The following SUPT3H variants were observed in gnomAD, a reference collection of about 807,000 sequenced individuals.
SUPT3H encodes SPT3 homolog, SAGA and STAGA complex component.
A neutral mutation model predicts 44.3 loss-of-function variants in SUPT3H; 44 were observed. The observed-to-expected ratio is 0.99, with a 90% confidence interval of 0.78 to 1.28. The LOEUF (loss-of-function observed/expected upper bound fraction) is 1.28, where lower values mean the gene tolerates loss of function less well. Ranked by LOEUF, SUPT3H falls within the 50% of genes most tolerant of loss-of-function variation. The pLI, the probability that SUPT3H is intolerant of heterozygous loss-of-function variation, is 0.00. For synonymous variants in SUPT3H, 124 were observed against 125.6 expected (o/e 0.99, Z 0.09); for missense variants, 380 against 387.1 (o/e 0.98, Z 0.15).
chr6:44,841,271 A>T (rs1238552953), intron 10 of SUPT3H, among the ~76,000 whole-genome samples: 1 of 152,234 alleles, frequency 6.6e-6, no homozygotes, highest in South Asian at 2.1e-4. Context: ...AGCCATTATT[A>T]TATCTCCTGT....
chr6:44,878,781 G>A (rs747718424), intron 10 of SUPT3H, among the ~76,000 whole-genome samples: 18 of 152,076 alleles, frequency 1.2e-4, no homozygotes, highest in Non-Finnish European at 2.2e-4. Flanking sequence ...AGGGCAAGCC[G>A]AAGCAGGGTG....
intron 2 of SUPT3H, among the ~76,000 whole-genome samples, chr6:45,160,372 C>G (rs1257521433): frequency 6.6e-6 from 1 of 152,114 alleles, no homozygotes; most frequent in African/African-American, 2.4e-5. Context: ...AAAATAAATG[C>G]ATGACCAAAT....
intron 2 of SUPT3H, among the ~76,000 whole-genome samples, chr6:45,204,274 GAAGAA>G (rs1762878786): frequency 6.6e-6 from 1 of 151,776 alleles, no homozygotes; most frequent in Non-Finnish European, 1.5e-5. Flanking sequence ...AGAAGAAGAA[GAAGAA>G]GAACCACCTG....
chr6:45,298,820 T>C (rs1056923137), intron 2 of SUPT3H, among the ~76,000 whole-genome samples: 3 of 152,172 alleles, frequency 2.0e-5, no homozygotes, highest in African/African-American at 7.2e-5. Context: ...CCTTTCAAAG[T>C]ATATAACCAA....
chr6:44,809,194 G>A (rs1766350780), downstream of SUPT3H: 1 of 152,232 alleles, frequency 6.6e-6, no homozygotes, highest in East Asian at 1.9e-4. Context: ...TCATGCATAC[G>A]AAGATTGAAG....
chr6:45,060,758 AT>A (rs1791874158), intron 3 of SUPT3H, among the ~76,000 whole-genome samples: 1 of 152,180 alleles, frequency 6.6e-6, no homozygotes, highest in Non-Finnish European at 1.5e-5. Context: ...CAAGAAAAAA[AT>A]ACACAACCCC....
In SUPT3H at chr6:45,032,913, C is replaced by T. The variant is rs1300837072; in HGVS notation, c.187-12281G>A. On this transcript the variant is annotated intron_variant, in intron 3 of 10. Coordinates refer to ENST00000371459, the MANE Select transcript of SUPT3H (RefSeq NM_003599.4). ...AGAATGAGCTAAAACAGTATTTAAG[C>T]AATTCAGTAAAAGCCTCTGAAGACT... is the stretch of plus-strand genomic sequence containing the variant. Among the ~76,000 whole-genome samples the T allele has an allele frequency of 2.6e-5, 4 of 152,098 alleles. No homozygotes were observed. In the South Asian group the frequency reaches 8.3e-4, roughly 31 times the overall value.
intron 10 of SUPT3H, among the ~76,000 whole-genome samples, chr6:44,847,509 A>G (rs1772080499): frequency 6.7e-6 from 1 of 149,350 alleles, no homozygotes; most frequent in Admixed American, 6.6e-5. Flanking sequence ...TTTTTTTGAG[A>G]CAGAGTCTTG....
rs1422981845 is a variant in SUPT3H, at chr6:44,811,994, A to AT, written c.*53-2494_*53-2493insA. 3.4e-4 allele frequency among the ~76,000 whole-genome samples: 52 copies of AT among 152,186 alleles called. No individual in the cohort carries two copies. In the East Asian group the frequency reaches 8.5e-3, roughly 25 times the overall value. ...ACAGTGGTTCTGATTCTGTGACTGA[A>AT]CCCTGACTGATAACTCAAGGTATGA... On this transcript the variant is annotated intron_variant and NMD_transcript_variant, in intron 11 of 11. Coordinates refer to the SUPT3H transcript ENST00000475057.
At chr6:45,351,523 T>G (rs1323151313) in intron 2 of SUPT3H, among the ~76,000 whole-genome samples, 1 of 152,176 alleles carries the variant, frequency 6.6e-6, no homozygotes, top group Non-Finnish European at 1.5e-5. Context: ...TGAGTGGAGA[T>G]GTCAAAGAAG....
intron 2 of SUPT3H, among the ~76,000 whole-genome samples, chr6:45,221,341 G>A (rs1266299049): frequency 6.6e-6 from 1 of 152,120 alleles, no homozygotes. Context: ...TGCACGTTGT[G>A]CACATGTACC....
intron 2 of SUPT3H, among the ~76,000 whole-genome samples, chr6:45,262,729 G>C (rs905512790): frequency 6.6e-6 from 1 of 152,088 alleles, no homozygotes; most frequent in Non-Finnish European, 1.5e-5. Context: ...CAAAATGGGA[G>C]AAAATATTGG....
intron 2 of SUPT3H, among the ~76,000 whole-genome samples, chr6:45,327,985 G>T (rs59983488): frequency 0.15 from 22,759 of 151,850 alleles, 1,952 homozygotes; most frequent in East Asian, 0.26. Flanking sequence ...GTTGAGCGGG[G>T]AGTAGAAAGG....
At chr6:45,214,656 G>A (rs1341777019) in intron 2 of SUPT3H, among the ~76,000 whole-genome samples, 1 of 152,184 alleles carries the variant, frequency 6.6e-6, no homozygotes, top group Non-Finnish European at 1.5e-5. Context: ...AGACCAGCCT[G>A]AGCAATACAG....
At chr6:45,311,327 G>A (rs1783914221) in intron 2 of SUPT3H, among the ~76,000 whole-genome samples, 2 of 152,066 alleles carry the variant, frequency 1.3e-5, no homozygotes, top group Non-Finnish European at 2.9e-5. Flanking sequence ...ATTACTAACA[G>A]ACCTAAGAAT....
intron 2 of SUPT3H, among the ~76,000 whole-genome samples, chr6:45,140,807 G>A (rs1354927432): frequency 6.6e-6 from 1 of 152,102 alleles, no homozygotes; most frequent in African/African-American, 2.4e-5. Flanking sequence ...AGCAGTAACA[G>A]TCGCTACAGT....
intron 9 of SUPT3H, among the ~76,000 whole-genome samples, chr6:44,948,263 A>C (rs6919485): frequency 0.42 from 63,759 of 151,922 alleles, 13,752 homozygotes; most frequent in East Asian, 0.7. Context: ...AGACTTAAAT[A>C]TTAGACCTAA....
intron 10 of SUPT3H, among the ~76,000 whole-genome samples, chr6:44,900,209 T>C (rs1467138521): frequency 6.6e-6 from 1 of 152,124 alleles, no homozygotes. Flanking sequence ...GAGCGTGAGC[T>C]GAAGTAGGGC....
intron 10 of SUPT3H, among the ~76,000 whole-genome samples, chr6:44,853,873 TA>T (rs1346984741): frequency 6.6e-6 from 1 of 152,084 alleles, no homozygotes; most frequent in East Asian, 1.9e-4. Flanking sequence ...AATACTTTAC[TA>T]GTGGAAATTT....
Sources: gnomAD v4.1 joint callset for allele counts (sites outside exome capture counted in the v4.1 genomes callset) on GRCh38, gnomAD v4.1.1 for gene constraint, MANE v1.5 for transcripts, NCBI Gene and HGNC (gene_info 2026-07-23, HGNC 2026-07-21) for gene names.